DENND5A: variants seen among roughly 807,000 people sequenced by gnomAD.
DENND5A encodes the protein DENN domain-containing protein 5A.
In DENND5A, 64 loss-of-function variants were observed where a neutral mutation model predicts 140.3. The ratio of observed to expected loss-of-function variants is 0.46; its 90% confidence interval spans 0.37 to 0.56. The LOEUF is 0.56. DENND5A is among the 20% of genes least tolerant of loss of function. The pLI is 0.00. For synonymous variants in DENND5A, 605 were observed against 607.7 expected (o/e 1.00, Z 0.07); for missense variants, 1,292 against 1,593.8 (o/e 0.81, Z 3.22).
intron 13 of DENND5A, 89 bp downstream of exon 13, chr11:9,152,269 C>T (rs769120502): frequency 1.0e-6 from 1 of 982,414 alleles, no homozygotes; most frequent in Admixed American, 1.7e-5. Flanking sequence ...GCTTCTTCGA[C>T]CTGGAATAGT....
Position 9,178,219 on chromosome 11 carries a change from G to C in DENND5A, c.1819C>G (p.Arg607Gly), listed in dbSNP as rs750450139. The change falls in exon 8 of 23, where the codon CGA becomes GGA. Residue 607 changes from arginine (R) to glycine (G), a missense_variant. Arg to Gly is a moderately radical substitution (Grantham distance 125). This residue lies in a region of DENND5A where 199 missense variants were observed against 189.1 expected (regional missense o/e 1.05). Coordinates refer to ENST00000328194, the MANE Select transcript of DENND5A (RefSeq NM_015213.4). Reference sequence around the variant, plus strand: ...TTCAACAGCCTGATCTTGTCAACTCGGGAATCAAATACCCGGAGTACAGGG... The same window carrying C: ...TTCAACAGCCTGATCTTGTCAACTCCGGAATCAAATACCCGGAGTACAGGG... ...KDPVLRVFDS[R>G]VDKIRLLNVR... The C allele has an allele frequency of 6.8e-6, 11 of 1,614,022 alleles. No individual in the cohort carries two copies. Among genetic ancestry groups the C allele is most frequent in the Non-Finnish European group, 7.6e-6 (9 of 1,179,958 alleles).
At chr11:9,152,132 T>C (rs968169682) in intron 13 of DENND5A, among the ~76,000 whole-genome samples, 3 of 152,228 alleles carry the variant, frequency 2.0e-5, no homozygotes, top group African/African-American at 7.2e-5. Context: ...CAAATAAATT[T>C]TCTATCTTGC....
intron 1 of DENND5A, among the ~76,000 whole-genome samples, chr11:9,232,749 C>G (rs531577528): frequency 6.6e-6 from 1 of 152,240 alleles, no homozygotes; most frequent in African/African-American, 2.4e-5. Context: ...AAGCCATGTT[C>G]ACGAAAAGGC....
In DENND5A at chr11:9,204,929, A is replaced by G. The variant is rs138676805; in HGVS notation, c.292-612T>C. Among the ~76,000 whole-genome samples, 175 of 152,342 alleles carry G rather than the reference A, an allele frequency of 1.1e-3. 2 individuals carry two copies. Among genetic ancestry groups the G allele is most frequent in the Middle Eastern group, 0.01 (3 of 294 alleles). On this transcript the variant is annotated intron_variant, in intron 3 of 22. Coordinates refer to ENST00000328194, the MANE Select transcript of DENND5A (RefSeq NM_015213.4). Reference sequence around the variant, plus strand: ...AGGGTATTTTGGGGACAAGAAGAAAATGCACAAAGACATGGAGATAAAAGA... The same window carrying G: ...AGGGTATTTTGGGGACAAGAAGAAAGTGCACAAAGACATGGAGATAAAAGA...
At chr11:9,262,316 G>C (rs964449208) in intron 1 of DENND5A, among the ~76,000 whole-genome samples, 5 of 152,088 alleles carry the variant, frequency 3.3e-5, no homozygotes, top group African/African-American at 4.8e-5. Context: ...TCTATCATTC[G>C]CAAAACATTC....
intron 1 of DENND5A, among the ~76,000 whole-genome samples, chr11:9,253,358 G>C (rs2136294248): frequency 6.6e-6 from 1 of 152,246 alleles, no homozygotes; most frequent in South Asian, 2.1e-4. Flanking sequence ...CTGTGACTCA[G>C]GATTTCCTTC....
chr11:9,222,222 C>T (rs1397585534), intron 1 of DENND5A, among the ~76,000 whole-genome samples: 1 of 152,160 alleles, frequency 6.6e-6, no homozygotes, highest in Non-Finnish European at 1.5e-5. Context: ...CTTGTATATC[C>T]TCATGCCAGA....
At chr11:9,233,558 T>C (rs1157520603) in intron 1 of DENND5A, among the ~76,000 whole-genome samples, 1 of 151,984 alleles carries the variant, frequency 6.6e-6, no homozygotes, top group African/African-American at 2.4e-5. Context: ...GTCAAAAATA[T>C]TGAGATGAGA....
Position 9,264,931 on chromosome 11 carries a change from G to T in DENND5A, c.109+30C>A, listed in dbSNP as rs200257189. On this transcript the variant is annotated intron_variant, in intron 1 of 22. Coordinates refer to ENST00000328194, the MANE Select transcript of DENND5A (RefSeq NM_015213.4). Reference sequence around the variant, plus strand: ...GGGTCCCCGACGACAGCGGGCGCGGGAAAGCGCCCCGGGCTCGGCGCGCAC... The same window carrying T: ...GGGTCCCCGACGACAGCGGGCGCGGTAAAGCGCCCCGGGCTCGGCGCGCAC... 2.0e-6 allele frequency: 3 copies of T among 1,513,720 alleles called. No homozygotes were observed. In the South Asian group the frequency reaches 3.6e-5, roughly 18 times the overall value. 93.8% of individuals were successfully genotyped at this position (1,513,720 alleles called of 1,614,324 possible).
At chr11:9,154,947 C>T (rs1474148655) in intron 12 of DENND5A, among the ~76,000 whole-genome samples, 12 of 151,814 alleles carry the variant, frequency 7.9e-5, no homozygotes, top group South Asian at 4.2e-4. Context: ...GTCAGGAGTT[C>T]GAGACCAACC....
intron 4 of DENND5A, among the ~76,000 whole-genome samples, chr11:9,202,425 T>C (rs1297774263): frequency 6.6e-6 from 1 of 152,196 alleles, no homozygotes; most frequent in Non-Finnish European, 1.5e-5. Flanking sequence ...TAACTCTCAA[T>C]GGTTCAGTTA....
intron 4 of DENND5A, among the ~76,000 whole-genome samples, chr11:9,195,761 CT>C (rs1481506060): frequency 1.8e-4 from 27 of 152,156 alleles, no homozygotes; most frequent in African/African-American, 6.5e-4. Flanking sequence ...AGAGCATAAC[CT>C]GTAGATAACT....
In DENND5A at chr11:9,203,577, T is replaced by G. The variant is rs974279705; in HGVS notation, c.949+83A>C. 1.9e-5 allele frequency: 28 copies of G among 1,460,692 alleles called. No individual in the cohort carries two copies. In the African/African-American group the frequency reaches 3.7e-4, roughly 19 times the overall value. 90.5% of individuals were successfully genotyped at this position (1,460,692 alleles called of 1,614,324 possible). On this transcript the variant is annotated intron_variant, in intron 4 of 22. Transcript: ENST00000328194. ...GCTCAAACTGTAATAGCTCTTAACCTTTACAGTCAGCCTCACTGTATCTGA... is the reference window on the plus strand; with the variant it reads ...GCTCAAACTGTAATAGCTCTTAACCGTTACAGTCAGCCTCACTGTATCTGA...
At chr11:9,241,348 C>T (rs747556064) in intron 1 of DENND5A, among the ~76,000 whole-genome samples, 41 of 152,052 alleles carry the variant, frequency 2.7e-4, no homozygotes, top group Non-Finnish European at 5.4e-4. Context: ...TATGATTCAG[C>T]GGGTAAAGGG....
At chr11:9,229,668 G>A (rs889935538) in intron 1 of DENND5A, among the ~76,000 whole-genome samples, 1 of 152,044 alleles carries the variant, frequency 6.6e-6, no homozygotes, top group Non-Finnish European at 1.5e-5. Context: ...AGCTCCAGCG[G>A]GGTCCTGCCC....
chr11:9,247,480 C>A (rs1259618185), intron 1 of DENND5A, among the ~76,000 whole-genome samples: 3 of 150,696 alleles, frequency 2.0e-5, no homozygotes, highest in Non-Finnish European at 2.9e-5. Context: ...TGACCTATGG[C>A]TTTTAAAATC....
chr11:9,150,913 A>C, intron 13 of DENND5A, 149 bp from the exon 14 acceptor site: 1 of 492,380 alleles, frequency 2.0e-6, no homozygotes, highest in Non-Finnish European at 3.6e-6. Context: ...TATTTATGAA[A>C]TTCCTACTAG....
intron 1 of DENND5A, among the ~76,000 whole-genome samples, chr11:9,214,512 T>G (rs1850009397): frequency 6.6e-6 from 1 of 152,194 alleles, no homozygotes; most frequent in South Asian, 2.1e-4. Flanking sequence ...AAGCTATCAC[T>G]CTTCCTTATC....
Position 9,144,201 on chromosome 11 carries a change from G to A in DENND5A, c.3200C>T (p.Thr1067Ile). ...LERILVGELL[T>I]SQPEVDERPC... ...CCTCTCATCCACCTCAGGCTGGGAT[G>A]TGAGCAGCTCCCCAACTAGGATCCG... The change falls in exon 19 of 23, where the codon ACA becomes ATA. Residue 1067 changes from threonine (T) to isoleucine (I), a missense_variant. By Grantham distance (89) the Thr-to-Ile change is moderately conservative. Transcript: ENST00000328194. 1 of 1,614,182 alleles carries A rather than the reference G, an allele frequency of 6.2e-7. No individual in the cohort carries two copies. The highest frequency in any genetic ancestry group is 8.5e-7 in the Non-Finnish European group (1 of 1,180,028).
Sources: gnomAD v4.1 joint callset for allele counts (sites outside exome capture counted in the v4.1 genomes callset) on GRCh38, gnomAD v4.1.1 for gene constraint, gnomAD v4.1.1 regional missense constraint, MANE v1.5 for transcripts, NCBI Gene and HGNC (gene_info 2026-07-23, HGNC 2026-07-21) for gene names.